Variants in ATG7 observed in about 807,000 individuals in gnomAD.
The protein encoded by ATG7 is ubiquitin-like modifier-activating enzyme ATG7.
In ATG7, 70 loss-of-function variants were observed where a neutral mutation model predicts 82.4. That is an observed-to-expected ratio of 0.85 (90% CI 0.70 to 1.04). ATG7 has a LOEUF of 1.04. Ranked by LOEUF, ATG7 falls within the 50% of genes least tolerant of loss-of-function variation. The pLI, the probability that ATG7 is intolerant of heterozygous loss-of-function variation, is 0.00. For missense variants in ATG7, 792 were observed against 864.3 expected, an observed-to-expected ratio of 0.92 and a Z score of 1.05; for synonymous variants, 287 against 313.0, an observed-to-expected ratio of 0.92 and a Z score of 0.88.
chr3:11,280,586 CT>C (rs1184247886), intron 1 of ATG7, among the ~76,000 whole-genome samples: 1 of 152,138 alleles, frequency 6.6e-6, no homozygotes, highest in Non-Finnish European at 1.5e-5. Flanking sequence ...AATTTCAAAT[CT>C]TGTTAAAATA....
At chr3:11,572,740 T>C in the ATG7 span, among the ~76,000 whole-genome samples, 1 of 152,186 alleles carries the variant, frequency 6.6e-6, no homozygotes, top group Non-Finnish European at 1.5e-5. Flanking sequence ...CTACCCATGT[T>C]CCAACACAGA....
At chr3:11,439,782 C>T (rs2083706455) in intron 20 of ATG7, among the ~76,000 whole-genome samples, 1 of 152,196 alleles carries the variant, frequency 6.6e-6, no homozygotes, top group Admixed American at 6.5e-5. Context: ...GGGCCTGTGG[C>T]ATGACCACAT....
intron 19 of ATG7, among the ~76,000 whole-genome samples, chr3:11,410,861 T>G (rs1172695913): frequency 1.3e-5 from 2 of 152,228 alleles, no homozygotes; most frequent in African/African-American, 4.8e-5. Flanking sequence ...AATAATGCTG[T>G]TATGTACATG....
intron 20 of ATG7, among the ~76,000 whole-genome samples, chr3:11,429,560 A>G (rs1285074201): frequency 3.3e-5 from 5 of 151,948 alleles, no homozygotes; most frequent in African/African-American, 9.7e-5. Flanking sequence ...AGATCTGGGA[A>G]CTCCAGACAT....
intron 9 of ATG7, among the ~76,000 whole-genome samples, chr3:11,323,850 G>A (rs937697507): frequency 1.3e-5 from 2 of 152,176 alleles, no homozygotes; most frequent in African/African-American, 2.4e-5. Context: ...CTTTAAAAAC[G>A]TGTAATCTCC....
the ATG7 span, chr3:11,568,688 C>G: frequency 1.3e-6 from 2 of 1,551,882 alleles, no homozygotes; most frequent in East Asian, 2.4e-5. This position sits in a 1 kb window ranked among gnomAD's most constrained non-coding sequence, Gnocchi z 5.9. Context: ...AATCACCTCC[C>G]GGCCACTGCT....
chr3:11,574,700 CTGAGCTCATCACTCTACA>C, the ATG7 span, among the ~76,000 whole-genome samples: 1 of 152,072 alleles, frequency 6.6e-6, no homozygotes, highest in Non-Finnish European at 1.5e-5. Context: ...GCTAACCACC[CTGAGCTCATCACTCTACA>C]TGACACATGT....
At chr3:11,340,284 G>C (rs1953318306) in intron 11 of ATG7, among the ~76,000 whole-genome samples, 1 of 152,018 alleles carries the variant, frequency 6.6e-6, no homozygotes, top group African/African-American at 2.4e-5. Flanking sequence ...GCCTCAGTGG[G>C]GTTATACCTA....
chr3:11,511,078 T>TA (rs1406422615), intron 20 of ATG7, among the ~76,000 whole-genome samples: 3 of 152,190 alleles, frequency 2.0e-5, no homozygotes, highest in African/African-American at 7.2e-5. Context: ...CGGTGAGTGT[T>TA]ACAGCTCATA....
At chr3:11,455,671 G>T (rs2085635165) in intron 20 of ATG7, among the ~76,000 whole-genome samples, 1 of 152,182 alleles carries the variant, frequency 6.6e-6, no homozygotes, top group Non-Finnish European at 1.5e-5. Flanking sequence ...CCAGACCGGG[G>T]CTGTCTTAAC....
chr3:11,347,029 A>T (rs1459173713), intron 13 of ATG7, among the ~76,000 whole-genome samples: 1 of 152,238 alleles, frequency 6.6e-6, no homozygotes, highest in Non-Finnish European at 1.5e-5. Flanking sequence ...ATGGCAGGAC[A>T]TCTCTTAGGT....
the ATG7 span, among the ~76,000 whole-genome samples, chr3:11,569,347 G>C: frequency 1.3e-5 from 2 of 152,170 alleles, no homozygotes; most frequent in African/African-American, 2.4e-5. Flanking sequence ...ACATTCTGGG[G>C]TCCCCAAAGG....
intron 9 of ATG7, among the ~76,000 whole-genome samples, chr3:11,323,114 T>C (rs1213421415): frequency 6.6e-6 from 1 of 152,108 alleles, no homozygotes; most frequent in Non-Finnish European, 1.5e-5. Context: ...AGTTAGAACA[T>C]GTTAAGGTTC....
intron 20 of ATG7, among the ~76,000 whole-genome samples, chr3:11,546,020 C>T (rs1447491317): frequency 6.6e-6 from 1 of 152,060 alleles, no homozygotes; most frequent in African/African-American, 2.4e-5. Context: ...TGCCTGTAGT[C>T]CCAACTACTA....
intron 18 of ATG7, among the ~76,000 whole-genome samples, chr3:11,374,350 C>G (rs73127250): frequency 0.012 from 1,891 of 152,240 alleles, 38 homozygotes; most frequent in African/African-American, 0.043. Context: ...CCGTTTTCAA[C>G]AAATAGTATG....
chr3:11,298,194 C>A (rs1946250230), intron 3 of ATG7, among the ~76,000 whole-genome samples: 1 of 151,530 alleles, frequency 6.6e-6, no homozygotes, highest in African/African-American at 2.4e-5. Flanking sequence ...AAAAAAAAAT[C>A]ACTGTGTCAT....
chr3:11,483,675 A>G (rs1291826556), intron 20 of ATG7, among the ~76,000 whole-genome samples: 1 of 152,218 alleles, frequency 6.6e-6, no homozygotes, highest in African/African-American at 2.4e-5. Flanking sequence ...ATCCTAGAGT[A>G]AAAATATCTA....
rs778658863 is a variant in ATG7, at chr3:11,313,360, A to G, written c.468A>G (p.Pro156=). The change falls in exon 8 of 21, where the codon CCA becomes CCG. Residue 156 remains proline (P), a synonymous_variant. Coordinates refer to ENST00000693202, the MANE Select transcript of ATG7 (RefSeq NM_001349232.2). ...TTTGCTATCCTGCCCTCTGTCTTCCAGAGAGTTTACCTCTCATTCAGGGGC... is the reference window on the plus strand; with the variant it reads ...TTTGCTATCCTGCCCTCTGTCTTCCGGAGAGTTTACCTCTCATTCAGGGGC... ...YWFCYPALCL[P]ESLPLIQGPV... 10 of 1,613,230 alleles carry G rather than the reference A, an allele frequency of 6.2e-6. No individual in the cohort carries two copies. In the Admixed American group the frequency reaches 8.3e-5, roughly 13 times the overall value.
chr3:11,331,537 C>A (rs1951649808), intron 10 of ATG7, 109 bp downstream of exon 10: 3 of 974,036 alleles, frequency 3.1e-6, no homozygotes, highest in South Asian at 2.9e-5. Context: ...ATTATTTTTT[C>A]ATTTTGGGCA....
Sources: gnomAD v4.1 joint callset for allele counts (sites outside exome capture counted in the v4.1 genomes callset) on GRCh38, gnomAD v4.1.1 for gene constraint, Gnocchi (gnomAD v3.1) non-coding constraint, MANE v1.5 for transcripts, NCBI Gene and HGNC (gene_info 2026-07-23, HGNC 2026-07-21) for gene names.